The following EXOC2 variants were observed in gnomAD, a reference collection of about 807,000 sequenced individuals.
EXOC2 encodes SEC5-like 1.
A neutral mutation model predicts 131.8 loss-of-function variants in EXOC2; 70 were observed. That is an observed-to-expected ratio of 0.53 (90% CI 0.44 to 0.65). The LOEUF (loss-of-function observed/expected upper bound fraction) is 0.65, where lower values mean the gene tolerates loss of function less well. Among genes scored for constraint, EXOC2 ranks in the 30% least tolerant of loss-of-function variants. The pLI is 0.00. For synonymous variants in EXOC2, 411 were observed against 398.4 expected, an observed-to-expected ratio of 1.03 and a Z score of -0.38; for missense variants, 923 against 1,108.6, an observed-to-expected ratio of 0.83 and a Z score of 2.38.
intron 4 of EXOC2, among the ~76,000 whole-genome samples, chr6:623,111 C>A (rs975880115): frequency 6.6e-6 from 1 of 152,240 alleles, no homozygotes; most frequent in African/African-American, 2.4e-5. Flanking sequence ...GAGGTCCCCA[C>A]TGGCCCTGCA....
chr6:678,401 A>C (rs751567979), intron 1 of EXOC2, among the ~76,000 whole-genome samples: 4 of 152,254 alleles, frequency 2.6e-5, no homozygotes, highest in Non-Finnish European at 5.9e-5. Context: ...TTTAAAGGCC[A>C]AAATAAAAGT....
rs770549879 is a variant in EXOC2 at position 488,961 on chromosome 6, ACAG to A, written c.2681+15_2681+17del. ...GAGCACATTCAACTGGCTCCTAAGA[ACAG>A]CACACAGGACTTACTTTTTATCTGC... On this transcript the variant is annotated intron_variant, in intron 27 of 27. Coordinates refer to ENST00000230449, the MANE Select transcript of EXOC2 (RefSeq NM_018303.6). The A allele has an allele frequency of 1.9e-6, 3 of 1,612,732 alleles. No individual in the cohort carries two copies. Among genetic ancestry groups the A allele is most frequent in the Non-Finnish European group, 2.5e-6 (3 of 1,179,204 alleles).
At chr6:637,563 C>G in intron 2 of EXOC2, 138 bp downstream of exon 2, 1 of 564,814 alleles carries the variant, frequency 1.8e-6, no homozygotes, top group South Asian at 4.3e-5. Context: ...ATAATTCTTT[C>G]GTCTTTTTGG....
At chr6:567,220 C>G (rs1275894354) in intron 13 of EXOC2, among the ~76,000 whole-genome samples, 1 of 152,212 alleles carries the variant, frequency 6.6e-6, no homozygotes, top group Non-Finnish European at 1.5e-5. Context: ...CCTCCCAGCC[C>G]TCCCACTGCT....
intron 1 of EXOC2, among the ~76,000 whole-genome samples, chr6:643,585 T>C (rs1448037466): frequency 6.9e-6 from 1 of 145,426 alleles, no homozygotes; most frequent in Non-Finnish European, 1.5e-5. Context: ...ATATTTAAAA[T>C]TAAGAATCTA....
At chr6:653,869 A>G (rs1762939507) in intron 1 of EXOC2, among the ~76,000 whole-genome samples, 1 of 152,212 alleles carries the variant, frequency 6.6e-6, no homozygotes, top group Non-Finnish European at 1.5e-5. Context: ...CTCTGTTGTT[A>G]GGGGCTAATG....
chr6:514,583 T>G (rs995049537), intron 23 of EXOC2, among the ~76,000 whole-genome samples: 2 of 152,206 alleles, frequency 1.3e-5, no homozygotes. Context: ...AGCGCGTGGT[T>G]TGGAGCCCCT....
At chr6:518,050 A>G (rs1765255109) in intron 23 of EXOC2, among the ~76,000 whole-genome samples, 1 of 152,232 alleles carries the variant, frequency 6.6e-6, no homozygotes, top group Non-Finnish European at 1.5e-5. Context: ...GAATCCTGAT[A>G]CGAACAAACT....
At chr6:601,064 TTA>T (rs78851076) in intron 7 of EXOC2, among the ~76,000 whole-genome samples, 6,617 of 152,306 alleles carry the variant, frequency 0.043, 334 homozygotes, top group South Asian at 0.2. Flanking sequence ...AAAATGCATT[TTA>T]TGTCTTTCTT....
At chr6:576,485 A>C (rs1758584818) in intron 12 of EXOC2, among the ~76,000 whole-genome samples, 1 of 152,224 alleles carries the variant, frequency 6.6e-6, no homozygotes, top group South Asian at 2.1e-4. Context: ...AAATTCAACC[A>C]CAGAAAAAGT....
At chr6:497,588 C>G in intron 24 of EXOC2, 99 bp from the exon 25 acceptor site, 1 of 1,452,400 alleles carries the variant, frequency 6.9e-7, no homozygotes, top group Non-Finnish European at 9.1e-7. Context: ...AGAAAATCAA[C>G]AGGACTTCTA....
At position 501,145 on chromosome 6, in the gene EXOC2, T is replaced by A. The variant is rs1406138075; in HGVS notation, c.2381-1445A>T. Among the ~76,000 whole-genome samples, 9 of 69,000 alleles carry A rather than the reference T, an allele frequency of 1.3e-4. 1 individual carries two copies. The highest frequency in any genetic ancestry group is 5.1e-4 in the African/African-American group (9 of 17,568). The allele number at this position is 69,000 out of a possible 152,430, so 45.3% of individuals were successfully genotyped here. On this transcript the variant is annotated intron_variant, in intron 23 of 27. Coordinates refer to ENST00000230449, the MANE Select transcript of EXOC2 (RefSeq NM_018303.6). ...TATATATATTATATATATCTATATATATTATATATATCTATATATATTATA... is the reference window on the plus strand; with the variant it reads ...TATATATATTATATATATCTATATAAATTATATATATCTATATATATTATA...
chr6:491,029 G>A, intron 26 of EXOC2, 96 bp downstream of exon 26: 1 of 1,253,840 alleles, frequency 8.0e-7, no homozygotes, highest in Non-Finnish European at 1.2e-6. Flanking sequence ...TCATGAGCAT[G>A]TGCTCTGATC....
Position 538,828 on chromosome 6 carries a change from C to T in EXOC2, c.2239-6218G>A, listed in dbSNP as rs116531746. ...GTGGCTCACGCCTATAATCCTAGCA[C>T]GCTGGGAGGCTGAGGCGGGTGGATC... On this transcript the variant is annotated intron_variant, in intron 22 of 27. Transcript: ENST00000230449. Among the ~76,000 whole-genome samples the T allele has an allele frequency of 2.2e-3, 336 of 152,236 alleles. 3 individuals are homozygous for T. Among genetic ancestry groups the T allele is most frequent in the African/African-American group, 7.6e-3 (316 of 41,530 alleles).
At chr6:535,103 CAAAGA>C (rs1766360631) in intron 22 of EXOC2, among the ~76,000 whole-genome samples, 1 of 151,892 alleles carries the variant, frequency 6.6e-6, no homozygotes, top group Middle Eastern at 3.2e-3. Flanking sequence ...AAATTAAACC[CAAAGA>C]AAATAGAAGG....
intron 25 of EXOC2, among the ~76,000 whole-genome samples, chr6:492,250 TAA>T (rs1224752501): frequency 6.6e-6 from 1 of 152,106 alleles, no homozygotes; most frequent in Non-Finnish European, 1.5e-5. Flanking sequence ...CTATAATCAA[TAA>T]GAGACAATAA....
intron 1 of EXOC2, among the ~76,000 whole-genome samples, chr6:686,828 G>A (rs9504759): frequency 0.14 from 21,730 of 152,116 alleles, 1,714 homozygotes; most frequent in African/African-American, 0.2. Flanking sequence ...CGATGCCACT[G>A]GACATTGATG....
chr6:557,737 G>A (rs1209591120), intron 17 of EXOC2, among the ~76,000 whole-genome samples: 7 of 152,162 alleles, frequency 4.6e-5, no homozygotes, highest in South Asian at 2.1e-4. Flanking sequence ...ATGCTGAGAC[G>A]GGAAGGGGAA....
chr6:543,861 A>G (rs1756689600), intron 22 of EXOC2, among the ~76,000 whole-genome samples: 1 of 152,196 alleles, frequency 6.6e-6, no homozygotes, highest in South Asian at 2.1e-4. Flanking sequence ...GGAAACTTCC[A>G]GGGAGGACGT....
Sources: gnomAD v4.1 joint callset for allele counts (sites outside exome capture counted in the v4.1 genomes callset) on GRCh38, gnomAD v4.1.1 for gene constraint, MANE v1.5 for transcripts, NCBI Gene and HGNC (gene_info 2026-07-23, HGNC 2026-07-21) for gene names.